Variants in EPC2 observed in about 807,000 individuals in gnomAD.
The protein encoded by EPC2 is enhancer of polycomb 2, also known as enhancer of polycomb homolog 2.
Under a neutral mutation model 92.1 loss-of-function variants are expected in EPC2, and 14 were observed. The observed-to-expected ratio is 0.15, with a 90% CI of 0.10 to 0.24. The LOEUF is 0.24. Among genes scored for constraint, EPC2 ranks in the 10% least tolerant of loss-of-function variants. The pLI is 1.00. For synonymous variants in EPC2, 340 were observed against 334.7 expected, an observed-to-expected ratio of 1.02 and a Z score of -0.17; for missense variants, 755 against 971.5, an observed-to-expected ratio of 0.78 and a Z score of 2.96.
intron 1 of EPC2, among the ~76,000 whole-genome samples, chr2:148,651,069 G>A (rs1300053576): frequency 6.6e-6 from 1 of 152,152 alleles, no homozygotes; most frequent in Non-Finnish European, 1.5e-5. Flanking sequence ...AAAGTTAAAT[G>A]TTAGTGTAGT....
rs955604648 is a variant in EPC2 at position 148,724,370 on chromosome 2, A to G, written c.314-19252A>G. Among the ~76,000 whole-genome samples, 23 of 152,218 alleles carry G rather than the reference A, an allele frequency of 1.5e-4. No individual in the cohort carries two copies. The East Asian group carries it at 1.7e-3, about 11-fold the overall frequency. The stretch of plus-strand genomic sequence containing the variant: ...TAATAGCATGTCCATCATCTCAAAC[A>G]TTTATCATTTCTTTGTGGGGAACAT... On this transcript the variant is annotated intron_variant, in intron 2 of 13. Transcript: ENST00000258484.
intron 1 of EPC2, among the ~76,000 whole-genome samples, chr2:148,658,708 CTAGTGGTTCAA>C (rs1164253785): frequency 6.6e-6 from 1 of 151,206 alleles, no homozygotes; most frequent in Non-Finnish European, 1.5e-5. Flanking sequence ...TCATGATTCA[CTAGTGGTTCAA>C]CTCACAGTTT....
intron 1 of EPC2, among the ~76,000 whole-genome samples, chr2:148,678,963 C>G (rs1046701213): frequency 6.6e-6 from 1 of 152,202 alleles, no homozygotes; most frequent in Non-Finnish European, 1.5e-5. Context: ...GCGGGAAGAC[C>G]ACTTGAGCCT....
chr2:148,752,387 G>A (rs2105415120), intron 3 of EPC2, among the ~76,000 whole-genome samples: 1 of 152,242 alleles, frequency 6.6e-6, no homozygotes, highest in Non-Finnish European at 1.5e-5. Context: ...TACCACTGTT[G>A]TTGTAGACTG....
chr2:148,677,599 T>C (rs1558806205), intron 1 of EPC2, among the ~76,000 whole-genome samples: 2 of 152,278 alleles, frequency 1.3e-5, no homozygotes, highest in Middle Eastern at 3.4e-3. Flanking sequence ...CCGGAATTGG[T>C]GGGTTCTTGG....
At chr2:148,776,963 A>C (rs1249284450) in intron 10 of EPC2, among the ~76,000 whole-genome samples, 1 of 148,146 alleles carries the variant, frequency 6.8e-6, no homozygotes, top group East Asian at 2.0e-4. Flanking sequence ...CAGGCGAAGC[A>C]ATTTTCGTGC....
Position 148,683,823 on chromosome 2 carries a change from G to A in EPC2, c.154-6391G>A, listed in dbSNP as rs1177637398. Among the ~76,000 whole-genome samples the A allele has an allele frequency of 2.6e-5, 4 of 152,170 alleles. No homozygotes were observed. The East Asian group carries it at 7.7e-4, about 29-fold the overall frequency. On this transcript the variant is annotated intron_variant, in intron 1 of 13. Coordinates refer to ENST00000258484, the MANE Select transcript of EPC2 (RefSeq NM_015630.4). ...TATTTTTGCAATTGCAAATTGTACT[G>A]CTGTAAATGCGTGCAAGTGTCTTTT...
At chr2:148,753,803 C>G (rs985667805) in intron 3 of EPC2, 124 bp from the exon 4 acceptor site, 1 of 676,492 alleles carries the variant, frequency 1.5e-6, no homozygotes, top group Non-Finnish European at 2.4e-6. Context: ...TGTGTCTTCA[C>G]TTACTATAAT....
At chr2:148,776,297 T>A (rs942337568) in intron 10 of EPC2, among the ~76,000 whole-genome samples, 5 of 152,230 alleles carry the variant, frequency 3.3e-5, no homozygotes, top group Non-Finnish European at 2.9e-5. Flanking sequence ...GGGATTAAAG[T>A]ATTTTAGTTT....
intron 1 of EPC2, among the ~76,000 whole-genome samples, chr2:148,685,268 G>A (rs1332098899): frequency 6.7e-6 from 1 of 149,872 alleles, no homozygotes; most frequent in Admixed American, 6.6e-5. Context: ...TTTCTTTATT[G>A]TTCGTACTTC....
chr2:148,700,185 A>G (rs573045008), intron 2 of EPC2, among the ~76,000 whole-genome samples: 6 of 152,172 alleles, frequency 3.9e-5, no homozygotes, highest in African/African-American at 1.2e-4. Context: ...CTTTTCATTC[A>G]CTAACAGTGT....
chr2:148,784,874 G>A lies in EPC2; in HGVS notation c.2224G>A (p.Val742Ile), dbSNP rs781491485. Residue 742 changes from valine (V) to isoleucine (I), a missense_variant, in exon 13 of 14, where the codon GTC becomes ATC. Val to Ile is a conservative substitution (Grantham distance 29, BLOSUM62 3). Around this residue, in one of 4 missense-constraint regions of EPC2, gnomAD observed 207 missense variants for 260.5 expected, o/e 0.79. Coordinates refer to ENST00000258484, the MANE Select transcript of EPC2 (RefSeq NM_015630.4). ...HLNNVSVVSP[V>I]NVHINTRTSA... ...CAATAATGTCAGTGTTGTTTCTCCA[G>A]TCAATGTGCATATCAATACACGGAC... 6.2e-7 allele frequency: 1 copy of A among 1,612,704 alleles called. No homozygotes were observed. Among genetic ancestry groups the A allele is most frequent in the South Asian group, 1.1e-5 (1 of 90,856 alleles).
intron 1 of EPC2, among the ~76,000 whole-genome samples, chr2:148,648,454 T>G (rs964811147): frequency 6.6e-6 from 1 of 152,250 alleles, no homozygotes; most frequent in African/African-American, 2.4e-5. Context: ...TAAGTAACTT[T>G]CAATATCTAG....
At chr2:148,732,489 T>A (rs1682654616) in intron 2 of EPC2, among the ~76,000 whole-genome samples, 2 of 151,700 alleles carry the variant, frequency 1.3e-5, no homozygotes, top group Admixed American at 1.3e-4. Context: ...CAAGCGATTC[T>A]CCTGCCTCAG....
intron 2 of EPC2, among the ~76,000 whole-genome samples, chr2:148,702,206 G>A (rs1286176214): frequency 1.3e-5 from 2 of 151,808 alleles, no homozygotes; most frequent in African/African-American, 4.8e-5. Flanking sequence ...GCTGTAAAAA[G>A]GATTTTATGT....
rs1329771189 is a variant in EPC2, at chr2:148,781,737, A to G, written c.1814A>G (p.Gln605Arg). The change falls in exon 11 of 14, where the codon CAG (glutamine) becomes CGG (arginine). Residue 605 changes from glutamine to arginine, a missense_variant. By Grantham distance (43) the Gln-to-Arg change is conservative. Transcript: ENST00000258484. ...CAACTTGCCCAGCTTCAGCAGAAAC[A>G]GCAATCTCAGCATTCCTCGCAACAG... Reference protein sequence around the residue: ...RQQLAQLQQKQQSQHSSQQTH... With the variant: ...RQQLAQLQQKRQSQHSSQQTH... 2 of 1,613,896 alleles carry G rather than the reference A, an allele frequency of 1.2e-6. No homozygotes were observed. The highest frequency in any genetic ancestry group is 1.7e-5 in the Admixed American group (1 of 60,004).
intron 3 of EPC2, among the ~76,000 whole-genome samples, chr2:148,749,933 C>T (rs1315857742): frequency 6.6e-6 from 1 of 151,970 alleles, no homozygotes; most frequent in East Asian, 1.9e-4. Flanking sequence ...TTTGTTTTAA[C>T]TTTATATTAT....
chr2:148,708,308 G>C lies in EPC2; in HGVS notation c.313+17935G>C, dbSNP rs142194339. Among the ~76,000 whole-genome samples, 1,085 of 152,024 alleles carry C rather than the reference G, an allele frequency of 7.1e-3. 5 individuals are homozygous for C. The highest frequency in any genetic ancestry group is 0.025 in the African/African-American group (1,017 of 41,468). On this transcript the variant is annotated intron_variant, in intron 2 of 13. Coordinates refer to ENST00000258484, the MANE Select transcript of EPC2 (RefSeq NM_015630.4). ...GACTAAACCAGGAAGAAGTTGAATC[G>C]CTGAATAGACCAATAACAGGCTCTG...
intron 1 of EPC2, among the ~76,000 whole-genome samples, chr2:148,675,822 A>G (rs947221164): frequency 2.0e-5 from 3 of 152,232 alleles, no homozygotes; most frequent in Non-Finnish European, 2.9e-5. Context: ...GGTAGAGTAT[A>G]TAAGTATAGG....
Sources: allele counts gnomAD v4.1 joint callset (sites outside exome capture counted in the v4.1 genomes callset), GRCh38; gene constraint gnomAD v4.1.1; regional missense constraint gnomAD v4.1.1; transcripts MANE v1.5; gene names NCBI Gene and HGNC (gene_info 2026-07-23, HGNC 2026-07-21).